PHLPP1: variants seen among roughly 807,000 people sequenced by gnomAD.
PHLPP1 encodes PH domain leucine-rich repeat-containing protein phosphatase 1.
Under a neutral mutation model 117.2 loss-of-function variants are expected in PHLPP1, and 42 were observed. The observed-to-expected ratio is 0.36, with a 90% CI of 0.28 to 0.46. The LOEUF is 0.46. Among genes scored for constraint, PHLPP1 ranks in the 20% least tolerant of loss-of-function variants. The pLI is 1.00. For missense variants in PHLPP1, 2,084 were observed against 2,241.9 expected, an observed-to-expected ratio of 0.93 and a Z score of 1.42; for synonymous variants, 1,042 against 970.7, an observed-to-expected ratio of 1.07 and a Z score of -1.37.
At chr18:62,720,704 T>A (rs932295322) in intron 1 of PHLPP1, among the ~76,000 whole-genome samples, 4 of 152,108 alleles carry the variant, frequency 2.6e-5, no homozygotes, top group Non-Finnish European at 4.4e-5. Flanking sequence ...ACAGAGGCTT[T>A]AAATTTTTTT....
At chr18:62,964,841 C>T (rs1214554148) in intron 14 of PHLPP1, among the ~76,000 whole-genome samples, 1 of 152,106 alleles carries the variant, frequency 6.6e-6, no homozygotes, top group Non-Finnish European at 1.5e-5. Flanking sequence ...TTTTAAATAT[C>T]TCTGTATATT....
chr18:62,864,115 G>A (rs186634052), intron 4 of PHLPP1, among the ~76,000 whole-genome samples: 5,322 of 151,966 alleles, frequency 0.035, 282 homozygotes, highest in African/African-American at 0.12. Context: ...TCCACCTCCC[G>A]GGTTCAAGCA....
intron 12 of PHLPP1, among the ~76,000 whole-genome samples, chr18:62,947,325 A>T (rs1261025321): frequency 6.6e-6 from 1 of 152,268 alleles, no homozygotes; most frequent in Non-Finnish European, 1.5e-5. Flanking sequence ...AATGTTAGCC[A>T]TTATTAATCA....
chr18:62,948,112 G>A (rs1292415886), intron 12 of PHLPP1, among the ~76,000 whole-genome samples: 1 of 152,078 alleles, frequency 6.6e-6, no homozygotes, highest in Non-Finnish European at 1.5e-5. Flanking sequence ...ATCACCTGAG[G>A]TCAGGCTTTT....
intron 10 of PHLPP1, among the ~76,000 whole-genome samples, chr18:62,929,082 G>GA (rs1339870116): frequency 1.3e-5 from 2 of 152,004 alleles, no homozygotes; most frequent in African/African-American, 2.4e-5. Flanking sequence ...ACAAGTTTGT[G>GA]AAAAAAACTA....
intron 1 of PHLPP1, among the ~76,000 whole-genome samples, chr18:62,718,009 A>G (rs754526867): frequency 1.3e-5 from 2 of 152,152 alleles, no homozygotes; most frequent in Admixed American, 6.5e-5. Flanking sequence ...AGTGGTTGCT[A>G]TTTCTTCAGA....
At chr18:62,902,592 T>G (rs776421023) in intron 6 of PHLPP1, among the ~76,000 whole-genome samples, 1 of 152,206 alleles carries the variant, frequency 6.6e-6, no homozygotes, top group Non-Finnish European at 1.5e-5. Flanking sequence ...TTATGTTCTT[T>G]TCGGTATGGT....
chr18:62,759,079 A>G (rs1318045850), intron 1 of PHLPP1, among the ~76,000 whole-genome samples: 1 of 152,208 alleles, frequency 6.6e-6, no homozygotes, highest in Non-Finnish European at 1.5e-5. Context: ...AACAGTCCTT[A>G]AGACAACTTG....
In PHLPP1 at chr18:62,715,809, G is replaced by T. The variant is rs1158147406; in HGVS notation, c.126G>T (p.Ala42=). Residue 42 remains alanine (A), a synonymous_variant, in exon 1 of 17, where the codon GCG becomes GCT. Coordinates refer to ENST00000262719, the MANE Select transcript of PHLPP1 (RefSeq NM_194449.4). ...AAAAAAAAAL[A]AAAGGGRSPE... ...CAGCGGCGGCCGCGGCGGCTCTGGC[G>T]GCGGCGGCCGGGGGCGGCCGGAGTC... The T allele has an allele frequency of 1.6e-4, 123 of 745,870 alleles. 1 individual carries two copies. Among genetic ancestry groups the T allele is most frequent in the Middle Eastern group, 6.3e-4 (1 of 1,580 alleles). 46.2% of individuals were successfully genotyped at this position (745,870 alleles called of 1,614,324 possible).
chr18:62,777,056 C>T (rs1395394148), intron 1 of PHLPP1, among the ~76,000 whole-genome samples: 1 of 152,174 alleles, frequency 6.6e-6, no homozygotes, highest in Non-Finnish European at 1.5e-5. Context: ...AACATGTTTT[C>T]ATTTTTGGGG....
chr18:62,959,446 G>A (rs1910704077), intron 13 of PHLPP1, among the ~76,000 whole-genome samples: 1 of 152,086 alleles, frequency 6.6e-6, no homozygotes, highest in Non-Finnish European at 1.5e-5. Flanking sequence ...ACATGTGTAT[G>A]CATACACACA....
At chr18:62,858,497 A>C (rs1020551123) in intron 3 of PHLPP1, among the ~76,000 whole-genome samples, 5 of 152,162 alleles carry the variant, frequency 3.3e-5, no homozygotes, top group Non-Finnish European at 7.3e-5. Context: ...TTCTGACCTC[A>C]AATGATCCAC....
chr18:62,765,893 G>A (rs1224412214), intron 1 of PHLPP1, among the ~76,000 whole-genome samples: 1 of 149,974 alleles, frequency 6.7e-6, no homozygotes, highest in East Asian at 2.0e-4. Flanking sequence ...AGCTACTCGG[G>A]AGGCTGAGGC....
intron 1 of PHLPP1, among the ~76,000 whole-genome samples, chr18:62,744,574 A>T (rs1288578816): frequency 6.6e-6 from 1 of 152,204 alleles, no homozygotes; most frequent in Non-Finnish European, 1.5e-5. Context: ...TTTAGTGCCT[A>T]ACAGAAGGCT....
intron 1 of PHLPP1, among the ~76,000 whole-genome samples, chr18:62,772,830 CAAAAA>C (rs59776161): frequency 1.6e-5 from 1 of 61,066 alleles, no homozygotes. Flanking sequence ...GACTCTTTCT[CAAAAA>C]AAAAAAAAAA....
At chr18:62,826,144 A>T (rs75786285) in intron 1 of PHLPP1, 81 of 303,706 alleles carry the variant, frequency 2.7e-4, no homozygotes, top group African/African-American at 1.7e-3. Flanking sequence ...ATGTCTGTGC[A>T]TATTTATTTA....
intron 10 of PHLPP1, among the ~76,000 whole-genome samples, chr18:62,931,656 A>G (rs912220102): frequency 4.6e-5 from 7 of 151,548 alleles, no homozygotes; most frequent in Admixed American, 2.6e-4. Flanking sequence ...GCACTTTGGG[A>G]GGCTGAGGCA....
intron 4 of PHLPP1, among the ~76,000 whole-genome samples, chr18:62,862,142 C>T (rs1477292819): frequency 6.6e-6 from 1 of 151,112 alleles, no homozygotes; most frequent in African/African-American, 2.4e-5. Context: ...TGTGGTGGCA[C>T]AATCTCGGCT....
intron 10 of PHLPP1, among the ~76,000 whole-genome samples, chr18:62,939,755 G>A (rs927230312): frequency 5.3e-5 from 8 of 151,876 alleles, no homozygotes; most frequent in African/African-American, 1.9e-4. Flanking sequence ...TGTTGAAGGG[G>A]TTGTACAAGA....
Sources: gnomAD v4.1 joint callset for allele counts (sites outside exome capture counted in the v4.1 genomes callset) on GRCh38, gnomAD v4.1.1 for gene constraint, MANE v1.5 for transcripts, NCBI Gene and HGNC (gene_info 2026-07-23, HGNC 2026-07-21) for gene names.